Variants in CSMD1 observed in about 807,000 individuals in gnomAD.
The protein encoded by CSMD1 is CUB and Sushi multiple domains 1, also known as CUB and sushi domain-containing protein 1.
In CSMD1, 213 loss-of-function variants were observed where a neutral mutation model predicts 417.5. The ratio of observed to expected loss-of-function variants is 0.51; its 90% CI spans 0.46 to 0.57. The LOEUF is 0.57. Among genes scored for constraint, CSMD1 ranks in the 20% least tolerant of loss-of-function variants. The probability of loss-of-function intolerance (pLI) is 0.00; values close to 1 mark genes in which losing one functional copy is unlikely to be tolerated. For missense variants in CSMD1, 6,923 were observed against 4,529.7 expected (o/e 1.53, Z -15.17); for synonymous variants, 2,862 against 1,736.8 (o/e 1.65, Z -16.11).
At chr8:4,262,301 G>C (rs973181897) in intron 3 of CSMD1, among the ~76,000 whole-genome samples, 1 of 152,060 alleles carries the variant, frequency 6.6e-6, no homozygotes, top group Non-Finnish European at 1.5e-5. Context: ...TTGCTGCCAG[G>C]CGTCCACAGG....
intron 7 of CSMD1, among the ~76,000 whole-genome samples, chr8:3,625,538 C>G (rs750079985): frequency 6.6e-6 from 1 of 152,114 alleles, no homozygotes; most frequent in Non-Finnish European, 1.5e-5. Context: ...TCTCTGGTCT[C>G]TAACTCAACT....
At chr8:4,957,435 G>A (rs745362903) in intron 1 of CSMD1, among the ~76,000 whole-genome samples, 6 of 152,160 alleles carry the variant, frequency 3.9e-5, no homozygotes, top group Non-Finnish European at 5.9e-5. Context: ...TGTAACAGGC[G>A]CTTTCTTCTT....
At chr8:3,203,124 A>G (rs1229336698) in intron 31 of CSMD1, among the ~76,000 whole-genome samples, 2 of 152,156 alleles carry the variant, frequency 1.3e-5, no homozygotes, top group African/African-American at 4.8e-5. Context: ...TCCACCTCAT[A>G]CTAGAAACTA....
intron 6 of CSMD1, among the ~76,000 whole-genome samples, chr8:3,711,632 G>C (rs543185843): frequency 1.3e-5 from 2 of 152,246 alleles, no homozygotes; most frequent in Admixed American, 6.5e-5. Context: ...TCACAGGAAA[G>C]GGAACACGAG....
chr8:3,918,257 T>C (rs2129142668), intron 5 of CSMD1, among the ~76,000 whole-genome samples: 1 of 152,222 alleles, frequency 6.6e-6, no homozygotes, highest in East Asian at 1.9e-4. Flanking sequence ...GTTGTTGTTG[T>C]TGTTGTTTTT....
chr8:4,714,430 A>G (rs1416258053), intron 1 of CSMD1, among the ~76,000 whole-genome samples: 4 of 152,240 alleles, frequency 2.6e-5, no homozygotes, highest in Non-Finnish European at 5.9e-5. Flanking sequence ...CTCCCCAAAA[A>G]GGAAATGGAA....
intron 3 of CSMD1, among the ~76,000 whole-genome samples, chr8:4,124,628 C>G (rs1444847734): frequency 6.6e-6 from 1 of 152,162 alleles, no homozygotes; most frequent in Non-Finnish European, 1.5e-5. Context: ...CCAGACCTCA[C>G]TGGCAAGGCC....
intron 2 of CSMD1, among the ~76,000 whole-genome samples, chr8:4,614,221 C>G (rs879636463): frequency 6.6e-6 from 1 of 152,138 alleles, no homozygotes; most frequent in Non-Finnish European, 1.5e-5. Flanking sequence ...GCAAAGCAAA[C>G]TGCATATTGA....
rs894061778 is a variant in CSMD1, at chr8:3,839,862, G to A, written c.819-85820C>T. On this transcript the variant is annotated intron_variant, in intron 5 of 69. Coordinates refer to ENST00000635120, the MANE Select transcript of CSMD1 (RefSeq NM_033225.6). ...GAACATTATGGCCTCTTCTACGGGC[G>A]GCAGTTTCTAAGGATCAGAACAGCC... is the stretch of plus-strand genomic sequence containing the variant. Among the ~76,000 whole-genome samples the A allele has an allele frequency of 2.6e-5, 4 of 151,886 alleles. No individual in the cohort carries two copies. The South Asian group carries it at 6.2e-4, about 24-fold the overall frequency.
At chr8:3,893,339 TTATA>T (rs56848640) in intron 5 of CSMD1, among the ~76,000 whole-genome samples, 3,561 of 80,464 alleles carry the variant, frequency 0.044, 198 homozygotes, top group Middle Eastern at 0.067. Context: ...ATTCACAATT[TTATA>T]TATATATATA....
At position 3,421,448 on chromosome 8, in the gene CSMD1, T is replaced by G. The variant is rs147235165; in HGVS notation, c.1562-11843A>C. On this transcript the variant is annotated intron_variant, in intron 12 of 69. Coordinates refer to ENST00000635120, the MANE Select transcript of CSMD1 (RefSeq NM_033225.6). ...GTGATTAAGAAAAGAGAAACATCAT[T>G]CTCTACCTTATCAAAGACTTCATTT... Among the ~76,000 whole-genome samples, 608 of 152,262 alleles carry G rather than the reference T, an allele frequency of 4.0e-3. 1 individual carries two copies. The highest frequency in any genetic ancestry group is 0.014 in the African/African-American group (565 of 41,552).
chr8:3,958,526 GT>G (rs1259611426), intron 5 of CSMD1, among the ~76,000 whole-genome samples: 3 of 151,992 alleles, frequency 2.0e-5, no homozygotes, highest in African/African-American at 4.8e-5. Flanking sequence ...ATTCTTCTGG[GT>G]TTAGTTCTAT....
In CSMD1 at chr8:3,902,004, T is replaced by C. The variant is rs542262947; in HGVS notation, c.818+95899A>G. On this transcript the variant is annotated intron_variant, in intron 5 of 69. Coordinates refer to ENST00000635120, the MANE Select transcript of CSMD1 (RefSeq NM_033225.6). ...GTTTCTCTTATTCTTTCCCTCCTTT[T>C]CCTCTTACTCTATTCCATTTATTAT... Among the ~76,000 whole-genome samples, 8 of 152,320 alleles carry C rather than the reference T, an allele frequency of 5.3e-5. No individual in the cohort carries two copies. The South Asian group carries it at 1.2e-3, about 24-fold the overall frequency.
intron 7 of CSMD1, among the ~76,000 whole-genome samples, chr8:3,682,909 G>C (rs899408534): frequency 6.6e-6 from 1 of 152,090 alleles, no homozygotes; most frequent in Admixed American, 6.5e-5. Flanking sequence ...GGATGAAGCT[G>C]GAAACCATCA....
intron 3 of CSMD1, among the ~76,000 whole-genome samples, chr8:4,324,271 T>A (rs1245649681): frequency 1.3e-5 from 2 of 152,222 alleles, no homozygotes; most frequent in Non-Finnish European, 2.9e-5. Context: ...GACCTTTTCC[T>A]CTTCCTCATC....
intron 10 of CSMD1, among the ~76,000 whole-genome samples, chr8:3,557,002 C>A (rs978459652): frequency 6.6e-6 from 1 of 152,186 alleles, no homozygotes; most frequent in African/African-American, 2.4e-5. Context: ...TTGCAGTATC[C>A]TCTTTGTAAT....
At chr8:3,241,589 A>G (rs916909852) in intron 26 of CSMD1, among the ~76,000 whole-genome samples, 1 of 152,156 alleles carries the variant, frequency 6.6e-6, no homozygotes, top group African/African-American at 2.4e-5. Flanking sequence ...TCTGATTTTC[A>G]GTGGGGTCCT....
chr8:4,782,423 CCA>C lies in CSMD1; in HGVS notation c.86-144867_86-144866del, dbSNP rs374389532. 2.4e-3 allele frequency among the ~76,000 whole-genome samples: 361 copies of C among 152,154 alleles called. 2 individuals are homozygous for C. The highest frequency in any genetic ancestry group is 8.4e-3 in the African/African-American group (347 of 41,524). ...AAAAAATAAAACTTTATAAAAGACA[CCA>C]CAGTTTTATTTTCATTACATATAGA... On this transcript the variant is annotated intron_variant, in intron 1 of 69. Transcript: ENST00000635120.
intron 49 of CSMD1, among the ~76,000 whole-genome samples, chr8:3,066,641 T>C (rs1812954430): frequency 6.6e-6 from 1 of 152,312 alleles, no homozygotes; most frequent in Middle Eastern, 3.4e-3. Flanking sequence ...TAATCACCTG[T>C]TTTAAAAACA....
Sources: allele counts gnomAD v4.1 joint callset (sites outside exome capture counted in the v4.1 genomes callset), GRCh38; gene constraint gnomAD v4.1.1; transcripts MANE v1.5; gene names NCBI Gene and HGNC (gene_info 2026-07-23, HGNC 2026-07-21).